TBCK: variants seen among roughly 807,000 people sequenced by gnomAD.
TBCK encodes TBC domain-containing protein kinase-like protein.
A neutral mutation model predicts 113.4 loss-of-function variants in TBCK; 99 were observed. The ratio of observed to expected loss-of-function variants is 0.87; its 90% CI spans 0.74 to 1.03. The LOEUF is 1.03. Among genes scored for constraint, TBCK ranks in the 50% least tolerant of loss-of-function variants. The probability of loss-of-function intolerance (pLI) is 0.00; values close to 1 mark genes in which losing one functional copy is unlikely to be tolerated. For missense variants in TBCK, 1,045 were observed against 1,061.3 expected, an observed-to-expected ratio of 0.98 and a Z score of 0.21; for synonymous variants, 369 against 370.8, an observed-to-expected ratio of 1.00 and a Z score of 0.05.
chr4:106,186,988 A>G (rs1162006592), intron 22 of TBCK, among the ~76,000 whole-genome samples: 2 of 152,154 alleles, frequency 1.3e-5, no homozygotes, highest in Non-Finnish European at 2.9e-5. Context: ...CATTTACTGA[A>G]TAGGGAATCC....
intron 22 of TBCK, among the ~76,000 whole-genome samples, chr4:106,177,229 C>T (rs796812515): frequency 2.0e-5 from 3 of 151,928 alleles, no homozygotes; most frequent in African/African-American, 7.2e-5. Context: ...TCTTTATGTA[C>T]TCTGGCTACT....
At position 106,272,557 on chromosome 4, in the gene TBCK, T is replaced by G. The variant is rs145357147; in HGVS notation, c.267-10345A>C. The stretch of plus-strand genomic sequence containing the variant: ...CCCAGGCTGGAGTGCAGAGGTGCGA[T>G]CTTGGCTCACTGCAAGCTCCGTCTC... On this transcript the variant is annotated intron_variant, in intron 3 of 25. Transcript: ENST00000394708. Among the ~76,000 whole-genome samples the G allele has an allele frequency of 9.3e-5, 14 of 150,004 alleles. No individual in the cohort carries two copies. In the East Asian group the frequency reaches 2.4e-3, roughly 25 times the overall value.
chr4:106,171,851 G>C (rs987155672), intron 22 of TBCK, among the ~76,000 whole-genome samples: 1 of 151,794 alleles, frequency 6.6e-6, no homozygotes, highest in African/African-American at 2.4e-5. Context: ...CTGTTTTTGA[G>C]ATAGAGTCTT....
intron 25 of TBCK, among the ~76,000 whole-genome samples, chr4:106,075,139 T>C (rs1325080386): frequency 6.6e-6 from 1 of 152,010 alleles, no homozygotes; most frequent in African/African-American, 2.4e-5. Flanking sequence ...ACTTCAAAAT[T>C]AGTGGGAAGG....
At chr4:106,201,294 T>C (rs1754863672) in intron 20 of TBCK, among the ~76,000 whole-genome samples, 1 of 152,016 alleles carries the variant, frequency 6.6e-6, no homozygotes, top group African/African-American at 2.4e-5. Flanking sequence ...GATATTTTCA[T>C]CTTAAATAAT....
At position 106,193,619 on chromosome 4, in the gene TBCK, G is replaced by T; in HGVS notation, c.2049C>A (p.Ser683=). Residue 683 remains serine (S), a synonymous_variant, in exon 22 of 26, where the codon TCC becomes TCA. Transcript: ENST00000394708. ...TATTTAGATCTATACCTGGTAAATC[G>T]GAGAAGAGAAGAATACACTCATTAA... is the stretch of plus-strand genomic sequence containing the variant. The part of the protein sequence containing the change: ...NGFNECILLF[S]DLPEIDIERC... 6.2e-7 allele frequency: 1 copy of T among 1,613,076 alleles called. No individual in the cohort carries two copies. Among genetic ancestry groups the T allele is most frequent in the Non-Finnish European group, 8.5e-7 (1 of 1,179,402 alleles).
chr4:106,116,911 T>C (rs1461825213), intron 23 of TBCK, among the ~76,000 whole-genome samples: 4 of 152,104 alleles, frequency 2.6e-5, no homozygotes, highest in African/African-American at 4.8e-5. Flanking sequence ...TATATTACAA[T>C]GTAATAATAA....
intron 24 of TBCK, among the ~76,000 whole-genome samples, chr4:106,104,312 C>T (rs907449009): frequency 6.6e-6 from 1 of 152,202 alleles, no homozygotes; most frequent in South Asian, 2.1e-4. Context: ...TGGCACTGCA[C>T]CTCCCTAAGA....
intron 25 of TBCK, among the ~76,000 whole-genome samples, chr4:106,095,254 G>C (rs1216971840): frequency 1.3e-5 from 2 of 150,986 alleles, no homozygotes; most frequent in African/African-American, 2.4e-5. Context: ...AACAGCCTTA[G>C]GCTATTTTGA....
At chr4:106,123,532 C>T (rs1486856936) in intron 23 of TBCK, among the ~76,000 whole-genome samples, 1 of 152,132 alleles carries the variant, frequency 6.6e-6, no homozygotes, top group Non-Finnish European at 1.5e-5. Flanking sequence ...CTTTCAAGTT[C>T]ATATGGAACC....
At position 106,167,118 on chromosome 4, in the gene TBCK, G is replaced by GTA. The variant is rs375846957; in HGVS notation, c.2235+3975_2235+3976dup. Among the ~76,000 whole-genome samples, 1,208 of 140,486 alleles carry GTA rather than the reference G, an allele frequency of 8.6e-3. 10 individuals carry two copies. The highest frequency in any genetic ancestry group is 0.019 in the Middle Eastern group (5 of 262). 92.2% of individuals were successfully genotyped at this position (140,486 alleles called of 152,430 possible). ...TGTGTGTGTGTATTATATACACACT[G>GTA]TATATATATATATAGAGAGAGAGAG... On this transcript the variant is annotated intron_variant, in intron 23 of 25. Coordinates refer to ENST00000394708, the MANE Select transcript of TBCK (RefSeq NM_001163435.3).
chr4:106,233,182 C>A, intron 16 of TBCK, 118 bp from the exon 17 acceptor site: 1 of 1,030,614 alleles, frequency 9.7e-7, no homozygotes, highest in Non-Finnish European at 1.4e-6. Context: ...TCAAAACAGA[C>A]CAACTTCTTA....
chr4:106,294,255 T>C (rs1766029177), intron 3 of TBCK, among the ~76,000 whole-genome samples: 1 of 150,716 alleles, frequency 6.6e-6, no homozygotes, highest in Non-Finnish European at 1.5e-5. Flanking sequence ...CAGTGGCGCA[T>C]CGCGGCTCAC....
rs534669135 is a variant in TBCK at position 106,237,238 on chromosome 4, T to A, written c.1171-430A>T. Among the ~76,000 whole-genome samples the A allele has an allele frequency of 5.9e-5, 9 of 152,096 alleles. No individual in the cohort carries two copies. In the South Asian group the frequency reaches 1.9e-3, roughly 32 times the overall value. The stretch of plus-strand genomic sequence containing the variant: ...TTGCTTTGGCATAATACAAGCTAAG[T>A]CAAAAAGAAAGGTGCTAGAAAAAGG... On this transcript the variant is annotated intron_variant, in intron 12 of 25. Coordinates refer to ENST00000394708, the MANE Select transcript of TBCK (RefSeq NM_001163435.3).
intron 19 of TBCK, among the ~76,000 whole-genome samples, chr4:106,214,349 C>T (rs1189416751): frequency 4.6e-5 from 7 of 152,160 alleles, no homozygotes; most frequent in Admixed American, 6.5e-5. Context: ...TCACCAGCAA[C>T]GGAACACAGC....
At chr4:106,293,921 T>C (rs1478079812) in intron 3 of TBCK, among the ~76,000 whole-genome samples, 2 of 152,222 alleles carry the variant, frequency 1.3e-5, no homozygotes, top group Non-Finnish European at 2.9e-5. Context: ...AGATTTTTGA[T>C]AATTTTAAGG....
At chr4:106,207,473 AC>A (rs1378399688) in intron 20 of TBCK, among the ~76,000 whole-genome samples, 1 of 152,220 alleles carries the variant, frequency 6.6e-6, no homozygotes, top group African/African-American at 2.4e-5. Context: ...ATAGAAAGTT[AC>A]CTCAATAATT....
chr4:106,103,948 G>A (rs1229598230), intron 24 of TBCK, among the ~76,000 whole-genome samples: 3 of 152,152 alleles, frequency 2.0e-5, no homozygotes, highest in Non-Finnish European at 4.4e-5. Flanking sequence ...TGAATGAACG[G>A]CCCCAGAAAA....
Position 106,117,304 on chromosome 4 carries a change from G to A in TBCK, c.2236-926C>T, listed in dbSNP as rs185098075. Among the ~76,000 whole-genome samples the A allele has an allele frequency of 2.6e-5, 4 of 152,278 alleles. No homozygotes were observed. In the East Asian group the frequency reaches 7.7e-4, roughly 29 times the overall value. ...CTCAGGTAATATGAGAAATTGCACT[G>A]TAATTAGGCATACATAGTAATTAAA... On this transcript the variant is annotated intron_variant, in intron 23 of 25. Transcript: ENST00000394708.
Sources: allele counts gnomAD v4.1 joint callset (sites outside exome capture counted in the v4.1 genomes callset), GRCh38; gene constraint gnomAD v4.1.1; transcripts MANE v1.5; gene names NCBI Gene and HGNC (gene_info 2026-07-23, HGNC 2026-07-21).